The following BCL2L14 variants were observed in gnomAD, a reference collection of about 807,000 sequenced individuals.
BCL2L14 encodes BCL2 like 14, also known as apoptosis facilitator Bcl-2-like protein 14.
In BCL2L14, 27 loss-of-function variants were observed where a neutral mutation model predicts 35.3. That is an observed-to-expected ratio of 0.76 (90% CI 0.56 to 1.05). BCL2L14 has a LOEUF of 1.05. BCL2L14 is among the 50% of genes least tolerant of loss of function. BCL2L14 has a pLI of 0.00. For missense variants in BCL2L14, 377 were observed against 382.6 expected, an observed-to-expected ratio of 0.99 and a Z score of 0.12; for synonymous variants, 139 against 145.9, an observed-to-expected ratio of 0.95 and a Z score of 0.34.
intron 2 of BCL2L14, among the ~76,000 whole-genome samples, chr12:12,054,083 C>T (rs1565434961): frequency 6.6e-6 from 1 of 152,122 alleles, no homozygotes; most frequent in African/African-American, 2.4e-5. Flanking sequence ...CACCCTGCTA[C>T]GTATTTGTTT....
intron 2 of BCL2L14, among the ~76,000 whole-genome samples, chr12:12,064,941 C>A (rs572067428): frequency 1.3e-5 from 2 of 152,322 alleles, no homozygotes; most frequent in African/African-American, 4.8e-5. Flanking sequence ...GTTATAGCAA[C>A]ACAGCACTAT....
At chr12:12,087,511 A>T in intron 3 of BCL2L14, 125 bp downstream of exon 3, 1 of 1,090,386 alleles carries the variant, frequency 9.2e-7, no homozygotes, top group Non-Finnish European at 1.3e-6. Flanking sequence ...CTTGACAGCC[A>T]CAGGCTGTGG....
chr12:12,057,141 A>T (rs576161994), intron 2 of BCL2L14, among the ~76,000 whole-genome samples: 2 of 152,246 alleles, frequency 1.3e-5, no homozygotes, highest in Non-Finnish European at 2.9e-5. Flanking sequence ...TACCGAAATA[A>T]ATTTACAAAC....
At chr12:12,075,715 G>A (rs997676454) in intron 1 of BCL2L14, among the ~76,000 whole-genome samples, 18 of 152,108 alleles carry the variant, frequency 1.2e-4, no homozygotes, top group African/African-American at 4.1e-4. Flanking sequence ...GTGAGCCATC[G>A]TCCCCTGCCG....
At chr12:12,089,222 A>G (rs996586497) in intron 3 of BCL2L14, among the ~76,000 whole-genome samples, 5 of 152,032 alleles carry the variant, frequency 3.3e-5, no homozygotes, top group Non-Finnish European at 7.4e-5. Flanking sequence ...CAAAAAAATT[A>G]GCCAGGCATA....
chr12:12,072,018 A>T (rs540926004), intron 1 of BCL2L14, among the ~76,000 whole-genome samples: 1 of 152,276 alleles, frequency 6.6e-6, no homozygotes, highest in East Asian at 1.9e-4. Context: ...AGATCCACTC[A>T]GGCCTCAACT....
chr12:12,076,249 A>T (rs1948779289), intron 1 of BCL2L14, among the ~76,000 whole-genome samples: 1 of 148,772 alleles, frequency 6.7e-6, no homozygotes, highest in Admixed American at 6.8e-5. Context: ...GGAATTGGGG[A>T]GCGGGAAGGG....
rs560123962 is a variant in BCL2L14 at position 12,087,281 on chromosome 12, C to T, written c.502C>T (p.Gln168Ter). 9.3e-6 allele frequency: 15 copies of T among 1,614,104 alleles called. No individual in the cohort carries two copies. The highest frequency in any genetic ancestry group is 3.3e-5 in the Admixed American group (2 of 60,014). Residue 168 changes from glutamine to a stop codon, truncating the protein, a stop_gained, in exon 3 of 6, where the codon CAA (glutamine) becomes TAA (stop). Transcript: ENST00000308721. LOFTEE classifies it high-confidence loss of function. ...AATTGTTTACTCCTGGCCACCACCA[C>T]AAGCGACCCAGGCAGGAGGCTTCAA... ...AEIVYSWPPP[Q>*]ATQAGGFKSK... is the part of the protein sequence containing the mutation.
intron 2 of BCL2L14, among the ~76,000 whole-genome samples, chr12:12,058,212 A>G (rs760685388): frequency 1.3e-4 from 19 of 149,486 alleles, no homozygotes; most frequent in Non-Finnish European, 2.5e-4. Context: ...TCGGCCTCCC[A>G]AAGTGCTGGG....
chr12:12,086,635 T>C (rs1263433902), intron 2 of BCL2L14, among the ~76,000 whole-genome samples: 1 of 152,238 alleles, frequency 6.6e-6, no homozygotes, highest in Non-Finnish European at 1.5e-5. Context: ...TCATTGAATG[T>C]TTTCCAGTAG....
chr12:12,079,744 C>T lies in BCL2L14; in HGVS notation c.433+6C>T, dbSNP rs927162686. The T allele has an allele frequency of 1.2e-6, 2 of 1,606,384 alleles. No homozygotes were observed. The highest frequency in any genetic ancestry group is 1.3e-5 in the African/African-American group (1 of 74,578). On this transcript the variant is annotated splice_donor_region_variant and intron_variant, in intron 2 of 5. Coordinates refer to ENST00000308721, the MANE Select transcript of BCL2L14 (RefSeq NM_138723.2). ...GCAGTGCTTGGAGCATGAAGGTAGG[C>T]ATCTGGGATTTCTTTCTCTCCCGCT...
intron 2 of BCL2L14, among the ~76,000 whole-genome samples, chr12:12,085,346 G>A (rs1949019420): frequency 6.6e-6 from 1 of 152,234 alleles, no homozygotes. Context: ...CATCTCCTGA[G>A]GACATGGCCA....
In BCL2L14 at chr12:12,087,267, C is replaced by G. The variant is rs1362632174; in HGVS notation, c.488C>G (p.Ser163Cys). 6.2e-7 allele frequency: 1 copy of G among 1,614,176 alleles called. No homozygotes were observed. The highest frequency in any genetic ancestry group is 8.5e-7 in the Non-Finnish European group (1 of 1,180,026). ...AACCGAGTAGCTGAAATTGTTTACTCCTGGCCACCACCACAAGCGACCCAG... is the reference window on the plus strand; with the variant it reads ...AACCGAGTAGCTGAAATTGTTTACTGCTGGCCACCACCACAAGCGACCCAG... ...IANRVAEIVY[S>C]WPPPQATQAG... is the part of the protein sequence containing the mutation. The change falls in exon 3 of 6, where the codon TCC becomes TGC. Residue 163 changes from serine (S) to cysteine (C), a missense_variant. Transcript: ENST00000308721.
intron 1 of BCL2L14, chr12:12,078,042 A>C: frequency 5.0e-6 from 2 of 396,612 alleles, no homozygotes; most frequent in Non-Finnish European, 1.0e-5. Flanking sequence ...TTCGTATGGA[A>C]ATAAAGAAGA....
At chr12:12,060,142 C>T (rs559939789) in intron 2 of BCL2L14, among the ~76,000 whole-genome samples, 6 of 151,430 alleles carry the variant, frequency 4.0e-5, no homozygotes, top group Admixed American at 3.3e-4. Flanking sequence ...CCCTATAATC[C>T]TTTTATCACC....
chr12:12,085,623 T>G (rs548541119), intron 2 of BCL2L14, among the ~76,000 whole-genome samples: 1 of 152,358 alleles, frequency 6.6e-6, no homozygotes, highest in South Asian at 2.1e-4. Context: ...ATGAGTCAGA[T>G]GTCCACCAGA....
chr12:12,052,029 C>T (rs948896057), intron 2 of BCL2L14, among the ~76,000 whole-genome samples: 6 of 152,140 alleles, frequency 3.9e-5, no homozygotes, highest in African/African-American at 1.2e-4. Flanking sequence ...AAATAGGACA[C>T]GGCTGAGGAC....
At chr12:12,073,668 A>T (rs1948717800) in intron 1 of BCL2L14, among the ~76,000 whole-genome samples, 1 of 152,212 alleles carries the variant, frequency 6.6e-6, no homozygotes, top group African/African-American at 2.4e-5. Flanking sequence ...TTTAACATAC[A>T]TGGAAATTTC....
intron 1 of BCL2L14, among the ~76,000 whole-genome samples, chr12:12,078,253 AAGAAAG>A (rs1417080264): frequency 6.6e-6 from 1 of 152,284 alleles, no homozygotes; most frequent in East Asian, 1.9e-4. Flanking sequence ...AGCAAGAAAA[AAGAAAG>A]AGAGAGAGAG....
Sources: gnomAD v4.1 joint callset for allele counts (sites outside exome capture counted in the v4.1 genomes callset) on GRCh38, gnomAD v4.1.1 for gene constraint, MANE v1.5 for transcripts, NCBI Gene and HGNC (gene_info 2026-07-23, HGNC 2026-07-21) for gene names.